Variants in ZMYND19 observed in about 807,000 individuals in gnomAD.
The protein encoded by ZMYND19 is zinc finger MYND domain-containing protein 19.
A neutral mutation model predicts 32.0 loss-of-function variants in ZMYND19; 17 were observed. The ratio of observed to expected loss-of-function variants is 0.53; its 90% confidence interval spans 0.36 to 0.80. The LOEUF (loss-of-function observed/expected upper bound fraction) is 0.80. Ranked by LOEUF, ZMYND19 falls within the 30% of genes least tolerant of loss-of-function variation. The pLI is 0.00. For missense variants in ZMYND19, 250 were observed against 293.6 expected, an observed-to-expected ratio of 0.85 and a Z score of 1.09; for synonymous variants, 124 against 113.6, an observed-to-expected ratio of 1.09 and a Z score of -0.58.
intron 5 of ZMYND19, 52 bp downstream of exon 5, chr9:137,582,931 T>C: frequency 6.3e-7 from 1 of 1,596,854 alleles, no homozygotes; most frequent in Non-Finnish European, 8.5e-7. Context: ...AAACCAAGGC[T>C]GGGCTACAGG....
rs1842162245 is a variant in ZMYND19 at position 137,582,799 on chromosome 9, T to G, written c.541-113A>C. The G allele has an allele frequency of 2.0e-6, 3 of 1,521,026 alleles. No individual in the cohort carries two copies. In the East Asian group the frequency reaches 6.9e-5, roughly 35 times the overall value. The allele number at this position is 1,521,026 out of a possible 1,614,324, so 94.2% of individuals were successfully genotyped here. A position where few individuals can be genotyped will look rare whatever the true frequency, so the allele number is the denominator to read the frequency against. On this transcript the variant is annotated intron_variant, in intron 5 of 5. Transcript: ENST00000298585. The stretch of plus-strand genomic sequence containing the variant: ...CCAGCAAAACACCACGTACCAAGGC[T>G]GGAGGGCCTGGGCCCTGGTCAGGCC...
Position 137,582,417 on chromosome 9 carries a change from T to C in ZMYND19, c.*126A>G. The C allele has an allele frequency of 1.5e-6, 2 of 1,355,696 alleles. No homozygotes were observed. Among genetic ancestry groups the C allele is most frequent in the Non-Finnish European group, 2.0e-6 (2 of 1,007,642 alleles). The allele number at this position is 1,355,696 out of a possible 1,614,324, so 84.0% of individuals were successfully genotyped here. A position where few individuals can be genotyped will look rare whatever the true frequency, so the allele number is the denominator to read the frequency against. On this transcript the variant is annotated 3_prime_UTR_variant, in exon 6 of 6. Transcript: ENST00000298585. The stretch of plus-strand genomic sequence containing the variant: ...CACAGACTGCCTGTGACATCGGGAG[T>C]CTCACGGCAGCTGTCCTGGGCCCGC...
At position 137,590,258 on chromosome 9, in the gene ZMYND19, G is replaced by A. The variant is rs747235257; in HGVS notation, c.6C>T (p.Thr2=). 3.6e-5 allele frequency: 41 copies of A among 1,143,860 alleles called. No homozygotes were observed. Among genetic ancestry groups the A allele is most frequent in the Non-Finnish European group, 4.3e-5 (39 of 916,652 alleles). 70.9% of individuals were successfully genotyped at this position (1,143,860 alleles called of 1,614,324 possible). A position where few individuals can be genotyped will look rare whatever the true frequency, so the allele number is the denominator to read the frequency against. M[T]DFKLGIVRLG... The stretch of plus-strand genomic sequence containing the variant: ...GCCGCACGATACCCAATTTGAAGTC[G>A]GTCATGGCCGGGCCTGCGCTCTCGG... The change falls in exon 1 of 6, where the codon ACC becomes ACT. Residue 2 remains threonine, a synonymous_variant. Transcript: ENST00000298585. This position sits in a 1 kb window ranked among gnomAD's most constrained non-coding sequence, Gnocchi z 4.2.
intron 1 of ZMYND19, chr9:137,589,894 G>A: frequency 4.1e-6 from 4 of 985,282 alleles, no homozygotes; most frequent in Non-Finnish European, 3.6e-6. Flanking sequence ...GGAGGGCTCC[G>A]GGAGAACGCG....
At chr9:137,587,215 T>C in intron 3 of ZMYND19, 108 bp from the exon 4 acceptor site, 4 of 1,522,444 alleles carry the variant, frequency 2.6e-6, no homozygotes, top group Non-Finnish European at 3.5e-6. Context: ...ATGTCAGCCA[T>C]GTGATCTGAT....
At chr9:137,582,808 T>G in intron 5 of ZMYND19, 122 bp from the exon 6 acceptor site, 1 of 1,514,898 alleles carries the variant, frequency 6.6e-7, no homozygotes, top group Non-Finnish European at 8.9e-7. Context: ...CTGGAGGGCC[T>G]GGGCCCTGGT....
chr9:137,582,915 G>A (rs773172032), intron 5 of ZMYND19, 68 bp downstream of exon 5: 26 of 1,584,330 alleles, frequency 1.6e-5, no homozygotes, highest in Non-Finnish European at 2.1e-5. Flanking sequence ...TGGAGGGCAA[G>A]ATCCCAAACC....
chr9:137,589,552 A>G (rs1842245799), intron 1 of ZMYND19: 1 of 985,458 alleles, frequency 1.0e-6, no homozygotes, highest in African/African-American at 1.7e-5. Flanking sequence ...CAATGCCCAC[A>G]GGTGCCATGG....
intron 4 of ZMYND19, among the ~76,000 whole-genome samples, chr9:137,585,642 C>T (rs1473102362): frequency 3.3e-5 from 5 of 152,146 alleles, no homozygotes; most frequent in Non-Finnish European, 7.3e-5. Flanking sequence ...ATTTGTAGGA[C>T]TCCCTCCAGG....
At chr9:137,589,287 C>T (rs1401508692) in intron 1 of ZMYND19, 2 of 976,944 alleles carry the variant, frequency 2.0e-6, no homozygotes, top group Non-Finnish European at 2.4e-6. Context: ...AAAAAAGCCT[C>T]CTCCCCAGCA....
In ZMYND19 at chr9:137,590,400, G is replaced by A. The variant is rs1842260272; in HGVS notation, c.-137C>T. ...GGTAGCAGCCAGGCGGGCTCCGGGC[G>A]GGACGAGGCTGGGCCGGGCTCGGGC... On this transcript the variant is annotated 5_prime_UTR_variant, in exon 1 of 6. Coordinates refer to ENST00000298585, the MANE Select transcript of ZMYND19 (RefSeq NM_138462.3). The surrounding 1 kb of genome is among the most constrained non-coding windows in gnomAD (Gnocchi z 4.2). 2.1e-5 allele frequency: 10 copies of A among 474,806 alleles called. No individual in the cohort carries two copies. The highest frequency in any genetic ancestry group is 2.5e-5 in the Non-Finnish European group (9 of 364,820). 29.4% of individuals were successfully genotyped at this position (474,806 alleles called of 1,614,324 possible).
intron 1 of ZMYND19, chr9:137,589,214 G>T: frequency 2.7e-6 from 1 of 370,646 alleles, no homozygotes; most frequent in Non-Finnish European, 3.7e-6. Context: ...ATGCCATCAT[G>T]GGTGGAGTTA....
In ZMYND19 at chr9:137,583,549, C is replaced by T. The variant is rs573065877; in HGVS notation, c.360-386G>A. ...CCCTTCCATACCGGGAGCTGCCCTA[C>T]GTCCGTCTAAAAACTCCTCCTGCTT... On this transcript the variant is annotated intron_variant, in intron 4 of 5. Transcript: ENST00000298585. 5.9e-5 allele frequency among the ~76,000 whole-genome samples: 9 copies of T among 152,232 alleles called. No individual in the cohort carries two copies. The South Asian group carries it at 8.3e-4, about 14-fold the overall frequency.
At chr9:137,584,276 T>C (rs1842179575) in intron 4 of ZMYND19, among the ~76,000 whole-genome samples, 1 of 152,212 alleles carries the variant, frequency 6.6e-6, no homozygotes, top group African/African-American at 2.4e-5. Context: ...CCACCTCCTG[T>C]AGCAGGGGGT....
intron 3 of ZMYND19, 30 bp downstream of exon 3, chr9:137,587,687 G>C (rs747655816): frequency 5.7e-6 from 9 of 1,591,314 alleles, no homozygotes; most frequent in Admixed American, 1.7e-5. Flanking sequence ...GCCCAGTGGC[G>C]GGGGGCAGAG....
chr9:137,588,928 G>A, intron 1 of ZMYND19: 1 of 562,106 alleles, frequency 1.8e-6, no homozygotes, highest in Non-Finnish European at 3.2e-6. Context: ...AGGCAGACAG[G>A]TTAAAAGCCA....
intron 1 of ZMYND19, chr9:137,589,482 T>A (rs1842244652): frequency 2.0e-6 from 2 of 985,384 alleles, no homozygotes; most frequent in Non-Finnish European, 2.4e-6. Flanking sequence ...AGGGCTCCCA[T>A]CCGGGTAAGG....
At position 137,582,696 on chromosome 9, in the gene ZMYND19, A is replaced by G. The variant is rs765930901; in HGVS notation, c.541-10T>C. ...TGTTGAACTCCCGGAGCTGAAATAC[A>G]GAACACCTGTGGCTTCACCATCATG... On this transcript the variant is annotated splice_polypyrimidine_tract_variant and intron_variant, in intron 5 of 5. Transcript: ENST00000298585. 6.2e-7 allele frequency: 1 copy of G among 1,611,844 alleles called. No homozygotes were observed. Among genetic ancestry groups the G allele is most frequent in the South Asian group, 1.1e-5 (1 of 90,996 alleles).
Position 137,590,122 on chromosome 9 carries a change from G to A in ZMYND19, c.51+91C>T, listed in dbSNP as rs1448028860. ...GGCCCATCCCGGGCTCCGCGCCCCC[G>A]CCCCGGCCGCCGCCCGCACAACCGC... is the stretch of plus-strand genomic sequence containing the variant. On this transcript the variant is annotated intron_variant, in intron 1 of 5. Transcript: ENST00000298585. The surrounding 1 kb of genome is among the most constrained non-coding windows in gnomAD (Gnocchi z 4.2). 3 of 976,088 alleles carry A rather than the reference G, an allele frequency of 3.1e-6. No individual in the cohort carries two copies. Among genetic ancestry groups the A allele is most frequent in the Non-Finnish European group, 1.2e-6 (1 of 827,162 alleles). 60.5% of individuals were successfully genotyped at this position (976,088 alleles called of 1,614,324 possible). A position where few individuals can be genotyped will look rare whatever the true frequency, so the allele number is the denominator to read the frequency against.
Sources: gnomAD v4.1 joint callset for allele counts (sites outside exome capture counted in the v4.1 genomes callset) on GRCh38, gnomAD v4.1.1 for gene constraint, Gnocchi (gnomAD v3.1) non-coding constraint, MANE v1.5 for transcripts, NCBI Gene and HGNC (gene_info 2026-07-23, HGNC 2026-07-21) for gene names.